The following BTBD9 variants were observed in gnomAD, a reference collection of about 807,000 sequenced individuals.
BTBD9 encodes BTB/POZ domain-containing protein 9.
Under a neutral mutation model 64.3 loss-of-function variants are expected in BTBD9, and 49 were observed. The ratio of observed to expected loss-of-function variants is 0.76; its 90% confidence interval spans 0.61 to 0.97. BTBD9 has a LOEUF of 0.97. Among genes scored for constraint, BTBD9 ranks in the 50% least tolerant of loss-of-function variants. The probability of loss-of-function intolerance (pLI) is 0.00; values close to 1 mark genes in which losing one functional copy is unlikely to be tolerated. For synonymous variants in BTBD9, 260 were observed against 274.7 expected (o/e 0.95, Z 0.53); for missense variants, 598 against 762.1 (o/e 0.78, Z 2.53).
intron 6 of BTBD9, among the ~76,000 whole-genome samples, chr6:38,399,466 G>T (rs1240760775): frequency 6.6e-6 from 1 of 152,164 alleles, no homozygotes; most frequent in Non-Finnish European, 1.5e-5. Flanking sequence ...TCAATAAAAT[G>T]AGTCAATAAA....
chr6:38,569,265 T>C (rs1017161807), intron 6 of BTBD9, among the ~76,000 whole-genome samples: 1 of 152,236 alleles, frequency 6.6e-6, no homozygotes, highest in African/African-American at 2.4e-5. Context: ...CATCTTTTTA[T>C]GTCTGGCACC....
chr6:38,244,143 C>T (rs144760006), intron 9 of BTBD9, among the ~76,000 whole-genome samples: 277 of 152,204 alleles, frequency 1.8e-3, no homozygotes, highest in African/African-American at 6.3e-3. Context: ...TTGCAGATGC[C>T]CATGCTGACT....
At chr6:38,462,208 G>T (rs932182626) in intron 6 of BTBD9, among the ~76,000 whole-genome samples, 3 of 151,998 alleles carry the variant, frequency 2.0e-5, no homozygotes, top group African/African-American at 7.2e-5. Context: ...TTCTTTTGAT[G>T]CTATATCTTA....
rs1267443761 is a variant in BTBD9, at chr6:38,303,856, T to G, written c.1265-15395A>C. 3.4e-5 allele frequency among the ~76,000 whole-genome samples: 4 copies of G among 118,608 alleles called. No individual in the cohort carries two copies. The East Asian group carries it at 1.1e-3, about 33-fold the overall frequency. 77.8% of individuals were successfully genotyped at this position (118,608 alleles called of 152,430 possible). ...TAGTTGCTAGATATATATATATATA[T>G]ATATATATATATATATATACACACA... On this transcript the variant is annotated intron_variant, in intron 7 of 10. Transcript: ENST00000481247.
chr6:38,275,140 C>CA (rs1765337119), intron 8 of BTBD9, among the ~76,000 whole-genome samples: 1 of 152,160 alleles, frequency 6.6e-6, no homozygotes, highest in Non-Finnish European at 1.5e-5. Context: ...GTACTGGTTC[C>CA]AAAACAGAGA....
chr6:38,174,020 G>A lies in BTBD9; in HGVS notation c.*965C>T, dbSNP rs1217396240. ...CAGTTCTGCGTTCCTGACGCTGATGGGCAGGTGGCTGCCTCTCCAATGCTT... is the reference window on the plus strand; with the variant it reads ...CAGTTCTGCGTTCCTGACGCTGATGAGCAGGTGGCTGCCTCTCCAATGCTT... On this transcript the variant is annotated 3_prime_UTR_variant, in exon 11 of 11. Coordinates refer to ENST00000481247, the MANE Select transcript of BTBD9 (RefSeq NM_001099272.2). The A allele has an allele frequency of 6.6e-6, 1 of 152,238 alleles. No individual in the cohort carries two copies. Among genetic ancestry groups the A allele is most frequent in the African/African-American group, 2.4e-5 (1 of 41,464 alleles). 9.4% of individuals were successfully genotyped at this position (152,238 alleles called of 1,614,324 possible).
intron 6 of BTBD9, chr6:38,565,929 A>G (rs1375627619): frequency 6.6e-6 from 1 of 152,202 alleles, no homozygotes; most frequent in Non-Finnish European, 1.5e-5. Flanking sequence ...ACACTTTGCT[A>G]TTGTTTAAAA....
chr6:38,517,173 G>A (rs1202983635), intron 6 of BTBD9, among the ~76,000 whole-genome samples: 1 of 152,184 alleles, frequency 6.6e-6, no homozygotes, highest in Non-Finnish European at 1.5e-5. Flanking sequence ...AAGATGATCT[G>A]TGAGCTCTGG....
At chr6:38,500,551 T>C (rs1337701077) in intron 6 of BTBD9, among the ~76,000 whole-genome samples, 1 of 152,206 alleles carries the variant, frequency 6.6e-6, no homozygotes. Context: ...ACACTTCCAC[T>C]TTTCTCTAAC....
intron 7 of BTBD9, among the ~76,000 whole-genome samples, chr6:38,315,950 T>C (rs1360787500): frequency 6.6e-6 from 1 of 152,338 alleles, no homozygotes; most frequent in East Asian, 1.9e-4. Flanking sequence ...TCTCTCTCTT[T>C]AGCTCTAATA....
chr6:38,453,912 A>G (rs1372759945), intron 6 of BTBD9, among the ~76,000 whole-genome samples: 9 of 152,234 alleles, frequency 5.9e-5, no homozygotes, highest in Admixed American at 5.9e-4. Context: ...CCAAACTTGT[A>G]TATTCTATAT....
At chr6:38,516,334 T>C (rs1773023310) in intron 6 of BTBD9, among the ~76,000 whole-genome samples, 1 of 151,942 alleles carries the variant, frequency 6.6e-6, no homozygotes, top group African/African-American at 2.4e-5. Context: ...TAGAACTATG[T>C]GTTTAAACAC....
At chr6:38,268,823 C>G (rs1156792192) in intron 8 of BTBD9, among the ~76,000 whole-genome samples, 1 of 152,250 alleles carries the variant, frequency 6.6e-6, no homozygotes, top group Middle Eastern at 3.2e-3. Flanking sequence ...CCAGCGTGAG[C>G]TGCGACTCGT....
chr6:38,543,865 G>A (rs977626448), intron 6 of BTBD9, among the ~76,000 whole-genome samples: 5 of 151,696 alleles, frequency 3.3e-5, no homozygotes, highest in African/African-American at 1.2e-4. Context: ...GCTGAGGCAG[G>A]AGAATGGCAT....
intron 6 of BTBD9, among the ~76,000 whole-genome samples, chr6:38,407,291 G>A (rs1048659799): frequency 6.6e-6 from 1 of 152,102 alleles, no homozygotes; most frequent in African/African-American, 2.4e-5. Flanking sequence ...TCTAACTTTT[G>A]TTCCCAGTCC....
At chr6:38,323,035 T>C (rs1440104331) in intron 7 of BTBD9, among the ~76,000 whole-genome samples, 5 of 152,244 alleles carry the variant, frequency 3.3e-5, no homozygotes, top group Non-Finnish European at 5.9e-5. Flanking sequence ...ACATCATGTG[T>C]TCTGATTTCA....
At chr6:38,460,844 G>T (rs564303579) in intron 6 of BTBD9, among the ~76,000 whole-genome samples, 1 of 152,064 alleles carries the variant, frequency 6.6e-6, no homozygotes, top group Non-Finnish European at 1.5e-5. Context: ...GCTGATCTCC[G>T]TCTCCTGACC....
intron 1 of BTBD9, among the ~76,000 whole-genome samples, chr6:38,624,810 A>T (rs1010457063): frequency 6.6e-6 from 1 of 152,172 alleles, no homozygotes; most frequent in African/African-American, 2.4e-5. Context: ...ATGAGGGGAG[A>T]TTCCATGTCT....
rs763125921 is a variant in BTBD9 at position 38,267,702 on chromosome 6, G to C, written c.1455-11186C>G. Among the ~76,000 whole-genome samples, 57 of 152,244 alleles carry C rather than the reference G, an allele frequency of 3.7e-4. 1 individual carries two copies. The highest frequency in any genetic ancestry group is 3.1e-3 in the Admixed American group (48 of 15,286). On this transcript the variant is annotated intron_variant, in intron 8 of 10. Coordinates refer to ENST00000481247, the MANE Select transcript of BTBD9 (RefSeq NM_001099272.2). ...CGCCTGTAATCCCAGCACTTTGAGA[G>C]GCCAAGGTGGGTGGATCACGAGGTC...
Sources: gnomAD v4.1 joint callset for allele counts (sites outside exome capture counted in the v4.1 genomes callset) on GRCh38, gnomAD v4.1.1 for gene constraint, MANE v1.5 for transcripts, NCBI Gene and HGNC (gene_info 2026-07-23, HGNC 2026-07-21) for gene names.